SPPL3: variants seen among roughly 807,000 people sequenced by gnomAD.
SPPL3 encodes the protein signal peptide peptidase like 3, also known as signal peptide peptidase-like 3.
In SPPL3, 5 loss-of-function variants were observed where a neutral mutation model predicts 42.4. That is an observed-to-expected ratio of 0.12 (90% CI 0.06 to 0.25). The LOEUF (loss-of-function observed/expected upper bound fraction) is 0.25. SPPL3 is among the 10% of genes least tolerant of loss of function. The pLI, the probability that SPPL3 is intolerant of heterozygous loss-of-function variation, is 1.00. For synonymous variants in SPPL3, 195 were observed against 181.8 expected, an observed-to-expected ratio of 1.07 and a Z score of -0.58; for missense variants, 235 against 489.0, an observed-to-expected ratio of 0.48 and a Z score of 4.90.
At chr12:120,886,636 C>G (rs1022076301) in intron 1 of SPPL3, among the ~76,000 whole-genome samples, 2 of 152,204 alleles carry the variant, frequency 1.3e-5, no homozygotes, top group African/African-American at 4.8e-5. Context: ...AACCAAAAAT[C>G]TGAGCTATGA....
chr12:120,766,080 C>T (rs954306525), intron 10 of SPPL3, among the ~76,000 whole-genome samples, 183 bp downstream of exon 10: 8 of 149,352 alleles, frequency 5.4e-5, no homozygotes, highest in East Asian at 2.0e-4. Flanking sequence ...CGTTTGCTAA[C>T]GCCAGGGTAG....
intron 3 of SPPL3, among the ~76,000 whole-genome samples, chr12:120,785,534 AT>A (rs1869692453): frequency 6.6e-6 from 1 of 152,142 alleles, no homozygotes; most frequent in South Asian, 2.1e-4. Flanking sequence ...GAAGGAAAAC[AT>A]GGCAAACTCT....
rs7304869 is a variant in SPPL3 at position 120,792,234 on chromosome 12, G to A, written c.102-677C>T. Among the ~76,000 whole-genome samples, 798 of 152,350 alleles carry A rather than the reference G, an allele frequency of 5.2e-3. 14 individuals carry two copies. The highest frequency in any genetic ancestry group is 0.018 in the African/African-American group (755 of 41,570). On this transcript the variant is annotated intron_variant, in intron 2 of 10. Transcript: ENST00000353487. ...TCACTGACAGTGACTTCAGAGTCAAGACCTGAAGGAAGTAGTCACTGTCTA... is the reference window on the plus strand; with the variant it reads ...TCACTGACAGTGACTTCAGAGTCAAAACCTGAAGGAAGTAGTCACTGTCTA...
chr12:120,868,497 ATTTAT>A (rs1872826823), intron 1 of SPPL3, among the ~76,000 whole-genome samples: 1 of 151,722 alleles, frequency 6.6e-6, no homozygotes, highest in Non-Finnish European at 1.5e-5. Context: ...ATTTGTATTT[ATTTAT>A]TTTGAGACGG....
At chr12:120,892,562 C>G (rs1168948) in intron 1 of SPPL3, among the ~76,000 whole-genome samples, 2 of 151,646 alleles carry the variant, frequency 1.3e-5, no homozygotes, top group Non-Finnish European at 2.9e-5. Flanking sequence ...TGAAGTAACA[C>G]GTAATATTTA....
intron 6 of SPPL3, among the ~76,000 whole-genome samples, chr12:120,780,588 A>T (rs1322625842): frequency 1.5e-4 from 10 of 64,990 alleles, no homozygotes; most frequent in South Asian, 1.4e-3. Context: ...GTCTCTATTT[A>T]AAAAAAAAAA....
In SPPL3 at chr12:120,861,941, T is replaced by C. The variant is rs370380003; in HGVS notation, c.23+41904A>G. ...CTCAACATCTTCATGTCTTCAATTC[T>C]AGAATTTTGAGCAACATACTTGAAG... On this transcript the variant is annotated intron_variant, in intron 1 of 10. Coordinates refer to ENST00000353487, the MANE Select transcript of SPPL3 (RefSeq NM_139015.5). Among the ~76,000 whole-genome samples the C allele has an allele frequency of 5.9e-5, 9 of 152,204 alleles. No individual in the cohort carries two copies. The East Asian group carries it at 1.5e-3, about 26-fold the overall frequency.
chr12:120,895,836 A>G (rs1873784288), intron 1 of SPPL3, among the ~76,000 whole-genome samples: 1 of 152,250 alleles, frequency 6.6e-6, no homozygotes, highest in African/African-American at 2.4e-5. Context: ...GTCACAGTCA[A>G]CTAGAGATGA....
At position 120,830,558 on chromosome 12, in the gene SPPL3, GA is replaced by G. The variant is rs1871386783; in HGVS notation, c.24-19673del. On this transcript the variant is annotated intron_variant, in intron 1 of 10. Coordinates refer to ENST00000353487, the MANE Select transcript of SPPL3 (RefSeq NM_139015.5). ...AGCAGAGGGGAGGGGAGGGGAGGGGGAGGGGTGGGGGAGGGGGGGAAGGAGA... is the reference window on the plus strand; with the variant it reads ...AGCAGAGGGGAGGGGAGGGGAGGGGGGGGGTGGGGGAGGGGGGGAAGGAGA... 1.5e-4 allele frequency among the ~76,000 whole-genome samples: 5 copies of G among 33,420 alleles called. 1 individual carries two copies. Among genetic ancestry groups the G allele is most frequent in the African/African-American group, 3.1e-4 (3 of 9,582 alleles). The allele number at this position is 33,420 out of a possible 152,430, so 21.9% of individuals were successfully genotyped here.
chr12:120,881,678 A>G (rs1162852149), intron 1 of SPPL3, among the ~76,000 whole-genome samples: 1 of 151,576 alleles, frequency 6.6e-6, no homozygotes, highest in Non-Finnish European at 1.5e-5. Context: ...GAACAGATAC[A>G]CAAAATGTGG....
chr12:120,884,101 C>CAAA (rs33918080), intron 1 of SPPL3, among the ~76,000 whole-genome samples: 1 of 124,086 alleles, frequency 8.1e-6, no homozygotes, highest in African/African-American at 3.0e-5. Context: ...AACTATGTCT[C>CAAA]AAAAAAAAAA....
chr12:120,874,622 C>T lies in SPPL3; in HGVS notation c.23+29223G>A, dbSNP rs147681138. Among the ~76,000 whole-genome samples, 173 of 152,254 alleles carry T rather than the reference C, an allele frequency of 1.1e-3. 1 individual carries two copies. Among genetic ancestry groups the T allele is most frequent in the African/African-American group, 3.9e-3 (160 of 41,554 alleles). ...AGACTATATTTTCCAAAGACTGCCTCCTTTCCCAGCCCACATGCCTTGCTT... is the reference window on the plus strand; with the variant it reads ...AGACTATATTTTCCAAAGACTGCCTTCTTTCCCAGCCCACATGCCTTGCTT... On this transcript the variant is annotated intron_variant, in intron 1 of 10. Transcript: ENST00000353487.
At position 120,871,144 on chromosome 12, in the gene SPPL3, A is replaced by AAAAAAAAAAG. The variant is rs61249398; in HGVS notation, c.23+32700_23+32701insCTTTTTTTTT. The stretch of plus-strand genomic sequence containing the variant: ...GACTCCGTCTCCAAAAAAAAAAAAA[A>AAAAAAAAAAG]AAAAAGAAAAAGTTCTGGAGGTAAA... On this transcript the variant is annotated intron_variant, in intron 1 of 10. Transcript: ENST00000353487. Among the ~76,000 whole-genome samples the AAAAAAAAAAG allele has an allele frequency of 1.1e-3, 153 of 142,122 alleles. 4 individuals carry two copies. Among genetic ancestry groups the AAAAAAAAAAG allele is most frequent in the African/African-American group, 4.1e-3 (140 of 34,142 alleles). The allele number at this position is 142,122 out of a possible 152,430, so 93.2% of individuals were successfully genotyped here.
intron 2 of SPPL3, among the ~76,000 whole-genome samples, chr12:120,795,175 T>C (rs1870056902): frequency 6.6e-6 from 1 of 152,224 alleles, no homozygotes; most frequent in African/African-American, 2.4e-5. Context: ...ACATCTGGGC[T>C]TGAGCAATCA....
At chr12:120,878,831 A>T (rs1385348273) in intron 1 of SPPL3, among the ~76,000 whole-genome samples, 1 of 152,146 alleles carries the variant, frequency 6.6e-6, no homozygotes, top group Admixed American at 6.6e-5. Context: ...TAAGACGATA[A>T]GGCCGGGCGC....
intron 6 of SPPL3, among the ~76,000 whole-genome samples, chr12:120,771,409 A>G (rs2136968937): frequency 6.6e-6 from 1 of 152,156 alleles, no homozygotes; most frequent in South Asian, 2.1e-4. Flanking sequence ...CCAGAACCCA[A>G]CTGGCTCCGC....
chr12:120,892,984 GAA>G (rs11373013), intron 1 of SPPL3, among the ~76,000 whole-genome samples: 6 of 126,092 alleles, frequency 4.8e-5, no homozygotes, highest in Admixed American at 8.7e-5. Context: ...TCTGTCTCGG[GAA>G]AAAAAAAAAA....
chr12:120,827,156 A>AG (rs1046784007), intron 1 of SPPL3, among the ~76,000 whole-genome samples: 1 of 151,730 alleles, frequency 6.6e-6, no homozygotes, highest in Non-Finnish European at 1.5e-5. Context: ...TCCTCTATAT[A>AG]GGGGGGCCAC....
At chr12:120,793,151 A>G (rs1869977317) in intron 2 of SPPL3, among the ~76,000 whole-genome samples, 1 of 152,354 alleles carries the variant, frequency 6.6e-6, no homozygotes, top group African/African-American at 2.4e-5. Context: ...AAGATACACA[A>G]ATAGCCAATG....
Sources: allele counts gnomAD v4.1 joint callset (sites outside exome capture counted in the v4.1 genomes callset), GRCh38; gene constraint gnomAD v4.1.1; transcripts MANE v1.5; gene names NCBI Gene and HGNC (gene_info 2026-07-23, HGNC 2026-07-21).